The following ZNF736 variants were observed in gnomAD, a reference collection of about 807,000 sequenced individuals.
The protein encoded by ZNF736 is KRAB-containing zinc-finger repressor protein.
ZNF736 carries 6 observed loss-of-function variants against 11.7 expected under a neutral mutation model. That is an observed-to-expected ratio of 0.51 (90% confidence interval 0.28 to 1.01). The LOEUF is 1.01. Ranked by LOEUF, ZNF736 falls within the 50% of genes least tolerant of loss-of-function variation. ZNF736 has a pLI of 0.09. For synonymous variants in ZNF736, 139 were observed against 164.7 expected (o/e 0.84, Z 1.19); for missense variants, 444 against 496.0 (o/e 0.90, Z 1.00).
At position 64,350,281 on chromosome 7, in the gene ZNF736, C is replaced by CT. The variant is rs1789468356; in HGVS notation, c.*1135dup. 1 of 152,086 alleles carries CT rather than the reference C, an allele frequency of 6.6e-6. No individual in the cohort carries two copies. Among genetic ancestry groups the CT allele is most frequent in the Non-Finnish European group, 1.5e-5 (1 of 68,010 alleles). 9.4% of individuals were successfully genotyped at this position (152,086 alleles called of 1,614,324 possible). On this transcript the variant is annotated 3_prime_UTR_variant, in exon 4 of 4. Coordinates refer to ENST00000423484, the MANE Select transcript of ZNF736 (RefSeq NM_001170905.3). Reference sequence around the variant, plus strand: ...TTTATTCTTTTTTCACTGTTCTTGTCTGTCTGATTTCAGAAAGCCAGTCTT... The same window carrying CT: ...TTTATTCTTTTTTCACTGTTCTTGTCTTGTCTGATTTCAGAAAGCCAGTCTT...
chr7:64,325,086 C>T (rs1789064924), intron 1 of ZNF736, among the ~76,000 whole-genome samples: 1 of 152,068 alleles, frequency 6.6e-6, no homozygotes, highest in Admixed American at 6.5e-5. Flanking sequence ...ATTAACCTCC[C>T]TCTTACCTAT....
intron 1 of ZNF736, among the ~76,000 whole-genome samples, chr7:64,317,524 C>G (rs1340164530): frequency 1.3e-5 from 2 of 152,000 alleles, no homozygotes; most frequent in Non-Finnish European, 2.9e-5. Flanking sequence ...AGAGCAGTGA[C>G]CAGATATTTT....
intron 1 of ZNF736, among the ~76,000 whole-genome samples, chr7:64,316,520 G>A (rs1256199389): frequency 5.9e-5 from 9 of 152,230 alleles, no homozygotes; most frequent in Admixed American, 5.9e-4. Flanking sequence ...CACACAGGGG[G>A]CAAGTGCAGT....
At chr7:64,319,382 C>G in intron 1 of ZNF736, among the ~76,000 whole-genome samples, 2 of 80,648 alleles carry the variant, frequency 2.5e-5, no homozygotes, top group East Asian at 4.2e-4. Context: ...TATATATATG[C>G]CTGACTAAGC....
At chr7:64,320,686 T>C (rs1381414522) in intron 1 of ZNF736, among the ~76,000 whole-genome samples, 2 of 152,138 alleles carry the variant, frequency 1.3e-5, no homozygotes, top group African/African-American at 4.8e-5. Context: ...AAACAGGCAT[T>C]TTGAACATTT....
chr7:64,337,108 T>C, intron 3 of ZNF736, 126 bp downstream of exon 3: 1 of 821,436 alleles, frequency 1.2e-6, no homozygotes, highest in South Asian at 1.6e-5. Flanking sequence ...AAACCTTCAT[T>C]TCTTTCTCTT....
At chr7:64,347,054 A>T (rs2115966258) in intron 3 of ZNF736, among the ~76,000 whole-genome samples, 1 of 151,660 alleles carries the variant, frequency 6.6e-6, no homozygotes, top group East Asian at 1.9e-4. Context: ...GTAATGTTGC[A>T]ATTTGTATAA....
intron 1 of ZNF736, among the ~76,000 whole-genome samples, chr7:64,322,387 CT>C (rs1789015098): frequency 6.6e-6 from 1 of 152,058 alleles, no homozygotes; most frequent in African/African-American, 2.4e-5. Flanking sequence ...TCTTGAGTTT[CT>C]AGGTATAGTA....
Position 64,349,346 on chromosome 7 carries a change from T to G in ZNF736, c.*199T>G, listed in dbSNP as rs1789456174. ...TTTGCTATTATGTAATGCCCTTTTT[T>G]TTTAAATCTATGTTAATTTCAAGTC... On this transcript the variant is annotated 3_prime_UTR_variant, in exon 4 of 4. Transcript: ENST00000423484. The G allele has an allele frequency of 2.9e-5, 12 of 415,616 alleles. 1 individual carries two copies. Among genetic ancestry groups the G allele is most frequent in the Non-Finnish European group, 5.0e-5 (12 of 239,372 alleles). 25.7% of individuals were successfully genotyped at this position (415,616 alleles called of 1,614,324 possible).
intron 1 of ZNF736, among the ~76,000 whole-genome samples, chr7:64,324,265 A>G (rs1206536571): frequency 6.6e-6 from 1 of 152,206 alleles, no homozygotes; most frequent in Non-Finnish European, 1.5e-5. Flanking sequence ...CACTTGAGTC[A>G]ATCATCAACA....
intron 3 of ZNF736, among the ~76,000 whole-genome samples, chr7:64,344,605 A>C (rs1341572029): frequency 6.6e-6 from 1 of 152,184 alleles, no homozygotes; most frequent in Non-Finnish European, 1.5e-5. Flanking sequence ...ATTTGTCTTT[A>C]TAATAGATAT....
chr7:64,342,987 T>C (rs1448306918), intron 3 of ZNF736, among the ~76,000 whole-genome samples: 1 of 152,204 alleles, frequency 6.6e-6, no homozygotes, highest in Non-Finnish European at 1.5e-5. Context: ...AAATAGCAGC[T>C]ATACATTAAT....
intron 3 of ZNF736, among the ~76,000 whole-genome samples, chr7:64,342,892 T>C (rs1789357689): frequency 6.6e-6 from 1 of 152,122 alleles, no homozygotes; most frequent in Non-Finnish European, 1.5e-5. Flanking sequence ...TTATTCCATA[T>C]TGTACTGTAT....
At chr7:64,318,474 A>G (rs1788947496) in intron 1 of ZNF736, among the ~76,000 whole-genome samples, 1 of 152,048 alleles carries the variant, frequency 6.6e-6, no homozygotes, top group African/African-American at 2.4e-5. Context: ...GTAAAATCTC[A>G]TGAAACAGAC....
At chr7:64,336,442 T>C (rs1270589655) in intron 2 of ZNF736, 57 bp downstream of exon 2, 6 of 1,476,078 alleles carry the variant, frequency 4.1e-6, no homozygotes, top group Non-Finnish European at 5.4e-6. Flanking sequence ...TATTTTCTTC[T>C]GATTTTTTTG....
chr7:64,331,596 G>A (rs1408616320), intron 1 of ZNF736, among the ~76,000 whole-genome samples: 2 of 152,126 alleles, frequency 1.3e-5, no homozygotes, highest in Non-Finnish European at 2.9e-5. Context: ...TTTATCTGGG[G>A]GATGATTGCT....
In ZNF736 at chr7:64,353,346, A is replaced by G. The variant is rs1182055947; in HGVS notation, c.*4199A>G. On this transcript the variant is annotated 3_prime_UTR_variant, in exon 4 of 4. Transcript: ENST00000423484. The stretch of plus-strand genomic sequence containing the variant: ...GATTATTCCCAATGCAAGTACCTGG[A>G]TGTTTCAGTTGCAGGTGCTGTATTT... 6.6e-6 allele frequency: 1 copy of G among 152,186 alleles called. No homozygotes were observed. Among genetic ancestry groups the G allele is most frequent in the Admixed American group, 6.5e-5 (1 of 15,270 alleles). 9.4% of individuals were successfully genotyped at this position (152,186 alleles called of 1,614,324 possible). A position where few individuals can be genotyped will look rare whatever the true frequency, so the allele number is the denominator to read the frequency against.
rs1789527037 is a variant in ZNF736 at position 64,354,332 on chromosome 7, A to T, written c.*5185A>T. On this transcript the variant is annotated 3_prime_UTR_variant, in exon 4 of 4. Transcript: ENST00000423484. Reference sequence around the variant, plus strand: ...CTGTAAAATAAACTTCAGGTGTAACAGATTTATAGAGAAAGTAATCATATT... The same window carrying T: ...CTGTAAAATAAACTTCAGGTGTAACTGATTTATAGAGAAAGTAATCATATT... The T allele has an allele frequency of 6.6e-6, 1 of 152,192 alleles. No homozygotes were observed. 9.4% of individuals were successfully genotyped at this position (152,192 alleles called of 1,614,324 possible). A position where few individuals can be genotyped will look rare whatever the true frequency, so the allele number is the denominator to read the frequency against.
intron 1 of ZNF736, among the ~76,000 whole-genome samples, chr7:64,319,335 A>ATGTGTGTGTGTG (rs1462913613): frequency 2.7e-5 from 1 of 36,970 alleles, no homozygotes. Context: ...GTGTATGTGT[A>ATGTGTGTGTGTG]TATATATATA....
Sources: gnomAD v4.1 joint callset for allele counts (sites outside exome capture counted in the v4.1 genomes callset) on GRCh38, gnomAD v4.1.1 for gene constraint, MANE v1.5 for transcripts, NCBI Gene and HGNC (gene_info 2026-07-23, HGNC 2026-07-21) for gene names.